The following PLG variants were observed in gnomAD, a reference collection of about 807,000 sequenced individuals.
PLG encodes the protein plasminogen.
In PLG, 41 loss-of-function variants were observed where a neutral mutation model predicts 104.4. That is an observed-to-expected ratio of 0.39 (90% CI 0.31 to 0.51). The LOEUF (loss-of-function observed/expected upper bound fraction) is 0.51. PLG is among the 20% of genes least tolerant of loss of function. The pLI is 0.76. For missense variants in PLG, 891 were observed against 1,003.6 expected, an observed-to-expected ratio of 0.89 and a Z score of 1.52; for synonymous variants, 337 against 357.1, an observed-to-expected ratio of 0.94 and a Z score of 0.63.
intron 17 of PLG, among the ~76,000 whole-genome samples, chr6:160,746,800 G>A (rs1297065238): frequency 6.6e-6 from 1 of 152,120 alleles, no homozygotes; most frequent in African/African-American, 2.4e-5. Context: ...GCCTTGTGCA[G>A]GGTCTTTATT....
In PLG at chr6:160,752,190, T is replaced by A; in HGVS notation, c.2201T>A (p.Phe734Tyr). 2 of 1,613,728 alleles carry A rather than the reference T, an allele frequency of 1.2e-6. No individual in the cohort carries two copies. The highest frequency in any genetic ancestry group is 4.5e-5 in the East Asian group (2 of 44,870). ...AATAAAGTGTGCAATCGCTATGAGT[T>A]TCTGAATGGAAGAGTCCAATCCACC... ...IENKVCNRYE[F>Y]LNGRVQSTEL... The change falls in exon 18 of 19, where the codon TTT becomes TAT. Residue 734 changes from phenylalanine to tyrosine, a missense_variant. Phe to Tyr is a conservative substitution (Grantham distance 22). Coordinates refer to ENST00000308192, the MANE Select transcript of PLG (RefSeq NM_000301.5). This position sits in a 1 kb window ranked among gnomAD's most constrained non-coding sequence, Gnocchi z 4.7.
chr6:160,749,609 TACCATTATCACCACCACCATCATCACC>T (rs1778362549), intron 17 of PLG, among the ~76,000 whole-genome samples: 1 of 126,874 alleles, frequency 7.9e-6, no homozygotes, highest in African/African-American at 3.0e-5. Context: ...TTATCATCAC[TACCATTATCACCACCACCATCATCACC>T]ACCACCACTA....
At chr6:160,733,244 G>A (rs888989601) in intron 12 of PLG, among the ~76,000 whole-genome samples, 1 of 152,322 alleles carries the variant, frequency 6.6e-6, no homozygotes, top group Non-Finnish European at 1.5e-5. Flanking sequence ...CATAGAGGGC[G>A]CACAATGCAT....
intron 6 of PLG, among the ~76,000 whole-genome samples, chr6:160,716,074 G>C (rs982337225): frequency 1.3e-5 from 2 of 152,246 alleles, no homozygotes; most frequent in African/African-American, 4.8e-5. Flanking sequence ...GGTGGGAGCA[G>C]AGCCTGGTAG....
Position 160,753,284 on chromosome 6 carries a change from T to A in PLG, c.*223T>A, listed in dbSNP as rs1193998051. ...TAAAAATAAACTCTGTACTTAACTT[T>A]GATTTGAGTAAATTTTGGTTTTGGT... On this transcript the variant is annotated 3_prime_UTR_variant, in exon 19 of 19. Transcript: ENST00000308192. The surrounding 1 kb of genome is among the most constrained non-coding windows in gnomAD (Gnocchi z 5.4). The A allele has an allele frequency of 1.8e-6, 1 of 560,442 alleles. No homozygotes were observed. Among genetic ancestry groups the A allele is most frequent in the African/African-American group, 1.9e-5 (1 of 52,998 alleles). 34.7% of individuals were successfully genotyped at this position (560,442 alleles called of 1,614,324 possible). A position where few individuals can be genotyped will look rare whatever the true frequency, so the allele number is the denominator to read the frequency against.
In PLG at chr6:160,726,787, T is replaced by G. The variant is rs994154238; in HGVS notation, c.1256+4220T>G. 2.6e-5 allele frequency among the ~76,000 whole-genome samples: 4 copies of G among 151,938 alleles called. No homozygotes were observed. In the South Asian group the frequency reaches 8.3e-4, roughly 31 times the overall value. ...AGTATATATTACAAAATGAAAGCTC[T>G]TTAGGGTCCCCAATACTTTTTAAGA... On this transcript the variant is annotated intron_variant, in intron 10 of 18. Coordinates refer to ENST00000308192, the MANE Select transcript of PLG (RefSeq NM_000301.5). The surrounding 1 kb of genome is among the most constrained non-coding windows in gnomAD (Gnocchi z 4.4).
Position 160,734,767 on chromosome 6 carries a change from A to T in PLG, c.1681+679A>T, listed in dbSNP as rs1778058555. On this transcript the variant is annotated intron_variant, in intron 13 of 18. Transcript: ENST00000308192. The surrounding 1 kb of genome is among the most constrained non-coding windows in gnomAD (Gnocchi z 4.4). ...TCTGAAAAAAAAAAAAAAAAAAAGA[A>T]AGGAAGCTACTTGGAATTGTCCCAT... 6.6e-6 allele frequency among the ~76,000 whole-genome samples: 1 copy of T among 151,726 alleles called. No individual in the cohort carries two copies. Among genetic ancestry groups the T allele is most frequent in the African/African-American group, 2.4e-5 (1 of 41,118 alleles).
intron 1 of PLG, among the ~76,000 whole-genome samples, chr6:160,704,878 G>T (rs1480767740): frequency 6.6e-6 from 1 of 152,160 alleles, no homozygotes; most frequent in Non-Finnish European, 1.5e-5. Flanking sequence ...GCCTTTCTGA[G>T]AATGAAAATC....
At chr6:160,718,538 C>A in intron 8 of PLG, 82 bp downstream of exon 8, 4 of 1,374,018 alleles carry the variant, frequency 2.9e-6, no homozygotes, top group Non-Finnish European at 4.2e-6. Flanking sequence ...ACTGTAGGAA[C>A]GCAGGATAAA....
chr6:160,753,834 ACG>A lies in PLG; in HGVS notation c.*774_*775del, dbSNP rs1252963301. Among the ~76,000 whole-genome samples, 1 of 152,226 alleles carries A rather than the reference ACG, an allele frequency of 6.6e-6. No homozygotes were observed. The highest frequency in any genetic ancestry group is 2.4e-5 in the African/African-American group (1 of 41,452). ...GGTTTTGAAACAGTCTGCAGTACAC[ACG>A]GTCACAGGAGAATGACCTGTGGGAG... On this transcript the variant is annotated 3_prime_UTR_variant, in exon 19 of 19. Transcript: ENST00000308192. The surrounding 1 kb of genome is among the most constrained non-coding windows in gnomAD (Gnocchi z 5.4).
At chr6:160,713,258 C>T (rs1271949247) in intron 5 of PLG, 133 bp downstream of exon 5, 12 of 778,516 alleles carry the variant, frequency 1.5e-5, no homozygotes, top group African/African-American at 5.4e-5. Context: ...AAGCAAAACC[C>T]CAGAATTAAC....
intron 6 of PLG, 38 bp from the exon 7 acceptor site, chr6:160,716,607 A>C: frequency 8.7e-7 from 1 of 1,154,490 alleles, no homozygotes; most frequent in East Asian, 2.3e-5. Flanking sequence ...CATGAATGTA[A>C]ATGTTCAGTG....
In PLG at chr6:160,733,961, G is replaced by A. The variant is rs566898550; in HGVS notation, c.1588-34G>A. The A allele has an allele frequency of 1.9e-4, 218 of 1,172,496 alleles. 2 individuals carry two copies. The South Asian group carries it at 2.0e-3, about 11-fold the overall frequency. 72.6% of individuals were successfully genotyped at this position (1,172,496 alleles called of 1,614,324 possible). A position where few individuals can be genotyped will look rare whatever the true frequency, so the allele number is the denominator to read the frequency against. On this transcript the variant is annotated intron_variant, in intron 12 of 18. Transcript: ENST00000308192. The stretch of plus-strand genomic sequence containing the variant: ...ACACCTTCTCCCTCTCCTGCCCCAC[G>A]TGAGCTGGAGCTTACATGCCTTCTT...
In PLG at chr6:160,744,709, T is replaced by C. The variant is rs1778250633; in HGVS notation, c.2125+3292T>C. Reference sequence around the variant, plus strand: ...TTCTTGCCATCTGCTAGCTTTGGGGTTGATTTGCTCTTGTTTCTCTAATTT... The same window carrying C: ...TTCTTGCCATCTGCTAGCTTTGGGGCTGATTTGCTCTTGTTTCTCTAATTT... On this transcript the variant is annotated intron_variant, in intron 17 of 18. Coordinates refer to ENST00000308192, the MANE Select transcript of PLG (RefSeq NM_000301.5). The surrounding 1 kb of genome is among the most constrained non-coding windows in gnomAD (Gnocchi z 4.5). 6.6e-6 allele frequency among the ~76,000 whole-genome samples: 1 copy of C among 152,150 alleles called. No homozygotes were observed. Among genetic ancestry groups the C allele is most frequent in the African/African-American group, 2.4e-5 (1 of 41,450 alleles).
At position 160,731,619 on chromosome 6, in the gene PLG, T is replaced by C; in HGVS notation, c.1439-126T>C. ...GCAGCGTTCATTGCAGTCTTCAGCATTGCAGTTTCTGAGGAATGTGGCCCC... is the reference window on the plus strand; with the variant it reads ...GCAGCGTTCATTGCAGTCTTCAGCACTGCAGTTTCTGAGGAATGTGGCCCC... On this transcript the variant is annotated intron_variant, in intron 11 of 18. Coordinates refer to ENST00000308192, the MANE Select transcript of PLG (RefSeq NM_000301.5). This position sits in a 1 kb window ranked among gnomAD's most constrained non-coding sequence, Gnocchi z 5.1. 2.2e-6 allele frequency: 2 copies of C among 892,478 alleles called. No individual in the cohort carries two copies. The highest frequency in any genetic ancestry group is 1.3e-5 in the South Asian group (1 of 75,088). 55.3% of individuals were successfully genotyped at this position (892,478 alleles called of 1,614,324 possible).
chr6:160,718,895 A>G, intron 9 of PLG, 57 bp downstream of exon 9: 1 of 1,442,852 alleles, frequency 6.9e-7, no homozygotes, highest in Non-Finnish European at 9.8e-7. Flanking sequence ...ATTTTTGTAT[A>G]CCAGTGGCAT....
Position 160,735,502 on chromosome 6 carries a change from A to C in PLG, c.1682-1385A>C, listed in dbSNP as rs984213440. 1.3e-5 allele frequency among the ~76,000 whole-genome samples: 2 copies of C among 152,200 alleles called. No homozygotes were observed. Among genetic ancestry groups the C allele is most frequent in the Non-Finnish European group, 2.9e-5 (2 of 68,034 alleles). Reference sequence around the variant, plus strand: ...ACAAGATTTTTCCCAAAGGACTGTGAGGTCCCCCACCTAACCTTGATGTGA... The same window carrying C: ...ACAAGATTTTTCCCAAAGGACTGTGCGGTCCCCCACCTAACCTTGATGTGA... On this transcript the variant is annotated intron_variant, in intron 13 of 18. Transcript: ENST00000308192. The surrounding 1 kb of genome is among the most constrained non-coding windows in gnomAD (Gnocchi z 5.4).
At position 160,731,857 on chromosome 6, in the gene PLG, T is replaced by C; in HGVS notation, c.1551T>C (p.Thr517=). The C allele has an allele frequency of 6.2e-7, 1 of 1,614,050 alleles. No individual in the cohort carries two copies. The highest frequency in any genetic ancestry group is 2.2e-5 in the East Asian group (1 of 44,868). Residue 517 remains threonine, a synonymous_variant, in exon 12 of 19, where the codon ACT becomes ACC. Coordinates refer to ENST00000308192, the MANE Select transcript of PLG (RefSeq NM_000301.5). This position sits in a 1 kb window ranked among gnomAD's most constrained non-coding sequence, Gnocchi z 5.1. The part of the protein sequence containing the change: ...AQEPHRHSIF[T]PETNPRAGLE... ...AGCCCCATAGACACAGCATTTTCAC[T>C]CCAGAGACAAATCCACGGGCGGGTC...
intron 2 of PLG, among the ~76,000 whole-genome samples, chr6:160,707,426 G>T (rs142907605): frequency 2.6e-4 from 40 of 152,246 alleles, no homozygotes; most frequent in Non-Finnish European, 4.9e-4. Flanking sequence ...AAATTAAGAA[G>T]ATGAGTGAAG....
Sources: allele counts gnomAD v4.1 joint callset (sites outside exome capture counted in the v4.1 genomes callset), GRCh38; gene constraint gnomAD v4.1.1; non-coding constraint Gnocchi (gnomAD v3.1); transcripts MANE v1.5; gene names NCBI Gene and HGNC (gene_info 2026-07-23, HGNC 2026-07-21).